The following FSTL5 variants were observed in gnomAD, a reference collection of about 807,000 sequenced individuals.
The protein encoded by FSTL5 is follistatin-related protein 5.
In FSTL5, 62 loss-of-function variants were observed where a neutral mutation model predicts 89.1. That is an observed-to-expected ratio of 0.70 (90% confidence interval 0.57 to 0.86). FSTL5 has a LOEUF of 0.86. FSTL5 is among the 40% of genes least tolerant of loss of function. The pLI, the probability that FSTL5 is intolerant of heterozygous loss-of-function variation, is 0.00. For synonymous variants in FSTL5, 383 were observed against 346.2 expected (o/e 1.11, Z -1.18); for missense variants, 1,057 against 1,001.6 (o/e 1.06, Z -0.75).
intron 7 of FSTL5, among the ~76,000 whole-genome samples, chr4:161,589,348 A>G (rs981030472): frequency 2.6e-5 from 4 of 151,776 alleles, no homozygotes; most frequent in African/African-American, 9.7e-5. Flanking sequence ...ACGCCCTGCT[A>G]ATTTTTTGTA....
chr4:161,673,747 T>C (rs1369635219), intron 6 of FSTL5, among the ~76,000 whole-genome samples: 1 of 152,004 alleles, frequency 6.6e-6, no homozygotes, highest in Admixed American at 6.6e-5. Context: ...CATAATTTAT[T>C]TTACCAGACA....
At chr4:161,429,897 G>T (rs953048531) in intron 15 of FSTL5, among the ~76,000 whole-genome samples, 1 of 151,988 alleles carries the variant, frequency 6.6e-6, no homozygotes, top group African/African-American at 2.4e-5. Flanking sequence ...AACTAAATAA[G>T]TCACCTGGGA....
intron 3 of FSTL5, among the ~76,000 whole-genome samples, chr4:161,945,863 T>C (rs754533944): frequency 6.6e-6 from 1 of 152,180 alleles, no homozygotes; most frequent in African/African-American, 2.4e-5. Flanking sequence ...TTGATCACTA[T>C]ACATTTATAT....
intron 8 of FSTL5, among the ~76,000 whole-genome samples, chr4:161,580,099 T>C (rs11100375): frequency 0.53 from 80,051 of 152,010 alleles, 21,573 homozygotes; most frequent in Middle Eastern, 0.62. Context: ...TTTTTGAACA[T>C]GTCTATATTC....
At chr4:161,454,136 T>A (rs1733267739) in intron 15 of FSTL5, among the ~76,000 whole-genome samples, 1 of 152,192 alleles carries the variant, frequency 6.6e-6, no homozygotes, top group African/African-American at 2.4e-5. Context: ...ATGATATAAT[T>A]TTTAATTTAA....
At chr4:161,756,054 T>C (rs981472049) in intron 6 of FSTL5, among the ~76,000 whole-genome samples, 34 of 152,152 alleles carry the variant, frequency 2.2e-4, no homozygotes, top group African/African-American at 7.9e-4. Context: ...TGAGGGATCA[T>C]TATATAGCTT....
intron 4 of FSTL5, among the ~76,000 whole-genome samples, chr4:161,849,908 G>C (rs1359785442): frequency 1.3e-5 from 2 of 151,912 alleles, no homozygotes; most frequent in Admixed American, 6.6e-5. Context: ...ACAATCCCTA[G>C]GCAAAATCAG....
At chr4:162,116,797 C>T (rs1018279763) in intron 1 of FSTL5, among the ~76,000 whole-genome samples, 1 of 152,166 alleles carries the variant, frequency 6.6e-6, no homozygotes, top group East Asian at 1.9e-4. Context: ...GCCTTACTTA[C>T]CCTGCCACAA....
intron 7 of FSTL5, among the ~76,000 whole-genome samples, chr4:161,651,703 G>A (rs1301552333): frequency 1.3e-5 from 2 of 152,080 alleles, no homozygotes; most frequent in Admixed American, 6.6e-5. Flanking sequence ...TTACCGATAA[G>A]GGTGCTGAGA....
chr4:162,104,283 G>A (rs115785480), intron 2 of FSTL5, among the ~76,000 whole-genome samples: 270 of 152,278 alleles, frequency 1.8e-3, no homozygotes, highest in Non-Finnish European at 2.9e-3. Context: ...TCTCTTCCGT[G>A]ACCAATGGCT....
At chr4:162,006,751 A>C (rs1578941044) in intron 3 of FSTL5, among the ~76,000 whole-genome samples, 1 of 152,002 alleles carries the variant, frequency 6.6e-6, no homozygotes, top group African/African-American at 2.4e-5. Context: ...GACAATTATC[A>C]GTTAAAATGG....
At chr4:161,503,062 A>G in intron 11 of FSTL5, among the ~76,000 whole-genome samples, 1 of 151,760 alleles carries the variant, frequency 6.6e-6, no homozygotes, top group Admixed American at 6.6e-5. Flanking sequence ...TCAGAGGCAA[A>G]TAATAGCTAT....
chr4:161,677,044 T>C lies in FSTL5; in HGVS notation c.728-20550A>G, dbSNP rs551396774. ...TCTATATGTACAATTCCCCTTTCTT[T>C]CTTCATGTGCAATGCAATTTTATAA... On this transcript the variant is annotated intron_variant, in intron 6 of 15. Transcript: ENST00000306100. 1.1e-4 allele frequency among the ~76,000 whole-genome samples: 16 copies of C among 152,084 alleles called. No homozygotes were observed. The South Asian group carries it at 3.1e-3, about 30-fold the overall frequency.
At chr4:162,160,892 C>T (rs1469644438) in intron 1 of FSTL5, among the ~76,000 whole-genome samples, 3 of 151,316 alleles carry the variant, frequency 2.0e-5, no homozygotes, top group African/African-American at 7.3e-5. Context: ...ATTGATTCAC[C>T]CTTATCTTAA....
chr4:161,805,733 C>T (rs1729944435), intron 4 of FSTL5, among the ~76,000 whole-genome samples: 1 of 152,024 alleles, frequency 6.6e-6, no homozygotes, highest in Non-Finnish European at 1.5e-5. Flanking sequence ...AAATATGGAA[C>T]CTTTAAGATC....
At chr4:162,063,714 C>A (rs1738796713) in intron 2 of FSTL5, among the ~76,000 whole-genome samples, 3 of 151,802 alleles carry the variant, frequency 2.0e-5, no homozygotes. Context: ...TTGTGCTTCC[C>A]TAAAACATAC....
intron 8 of FSTL5, among the ~76,000 whole-genome samples, chr4:161,544,372 T>C (rs998481399): frequency 6.6e-6 from 1 of 151,986 alleles, no homozygotes; most frequent in African/African-American, 2.4e-5. Flanking sequence ...ATATTGGAGG[T>C]ATCTGACACA....
At chr4:161,496,795 G>A (rs72683732) in intron 12 of FSTL5, among the ~76,000 whole-genome samples, 97 of 97,432 alleles carry the variant, frequency 1.0e-3, no homozygotes, top group Non-Finnish European at 1.3e-3. Context: ...AAAAGATAGA[G>A]ATAGAGATAG....
intron 4 of FSTL5, among the ~76,000 whole-genome samples, chr4:161,908,221 A>G (rs1205718100): frequency 6.6e-6 from 1 of 151,992 alleles, no homozygotes; most frequent in Admixed American, 6.6e-5. Flanking sequence ...ACTGTGTTCT[A>G]TTTCCATCTT....
Sources: allele counts gnomAD v4.1 joint callset (sites outside exome capture counted in the v4.1 genomes callset), GRCh38; gene constraint gnomAD v4.1.1; transcripts MANE v1.5; gene names NCBI Gene and HGNC (gene_info 2026-07-23, HGNC 2026-07-21).